The following EMILIN2 variants were observed in gnomAD, a reference collection of about 807,000 sequenced individuals.
The protein encoded by EMILIN2 is elastin microfibril interfacer 2.
EMILIN2 carries 71 observed loss-of-function variants against 87.1 expected under a neutral mutation model. The ratio of observed to expected loss-of-function variants is 0.82; its 90% CI spans 0.67 to 0.99. EMILIN2 has a LOEUF of 0.99. EMILIN2 is among the 50% of genes least tolerant of loss of function. The pLI is 0.00. For synonymous variants in EMILIN2, 581 were observed against 563.4 expected (o/e 1.03, Z -0.44); for missense variants, 1,407 against 1,371.8 (o/e 1.03, Z -0.40).
intron 2 of EMILIN2, among the ~76,000 whole-genome samples, chr18:2,882,179 G>A (rs777082196): frequency 2.1e-4 from 32 of 152,200 alleles, no homozygotes; most frequent in Admixed American, 5.9e-4. Flanking sequence ...GGGCCTTGGT[G>A]GAGGTGGACA....
intron 4 of EMILIN2, among the ~76,000 whole-genome samples, chr18:2,900,162 A>T (rs976684362): frequency 6.6e-6 from 1 of 152,026 alleles, no homozygotes; most frequent in Non-Finnish European, 1.5e-5. Context: ...CAAATTCAAA[A>T]ACAGCATTCA....
chr18:2,849,412 G>C (rs987770645), intron 2 of EMILIN2, among the ~76,000 whole-genome samples: 2 of 152,136 alleles, frequency 1.3e-5, no homozygotes, highest in African/African-American at 4.8e-5. Flanking sequence ...ATTTTGGGAG[G>C]TAATGCATTT....
At chr18:2,893,403 T>A (rs2076849058) in intron 4 of EMILIN2, among the ~76,000 whole-genome samples, 2 of 152,012 alleles carry the variant, frequency 1.3e-5, no homozygotes, top group South Asian at 4.1e-4. Flanking sequence ...ATGAGAGCAG[T>A]TTAGGGACAG....
At position 2,913,781 on chromosome 18, in the gene EMILIN2, G is replaced by T; in HGVS notation, c.*377G>T. The T allele has an allele frequency of 4.5e-6, 1 of 223,940 alleles. No individual in the cohort carries two copies. Among genetic ancestry groups the T allele is most frequent in the Non-Finnish European group, 8.9e-6 (1 of 112,478 alleles). The allele number at this position is 223,940 out of a possible 1,614,324, so 13.9% of individuals were successfully genotyped here. ...CCGGTCACGGTGGCTGGTCTTTACTGCAGGGCAGCACTGTGGCCAGCTGTC... is the reference window on the plus strand; with the variant it reads ...CCGGTCACGGTGGCTGGTCTTTACTTCAGGGCAGCACTGTGGCCAGCTGTC... On this transcript the variant is annotated 3_prime_UTR_variant, in exon 8 of 8. Coordinates refer to ENST00000254528, the MANE Select transcript of EMILIN2 (RefSeq NM_032048.3).
Position 2,847,819 on chromosome 18 carries a change from G to A in EMILIN2, c.145G>A (p.Ala49Thr). The change falls in exon 2 of 8, where the codon GCC (alanine) becomes ACC (threonine). Residue 49 changes from alanine (A) to threonine (T), a missense_variant. Transcript: ENST00000254528. The surrounding 1 kb of genome is among the most constrained non-coding windows in gnomAD (Gnocchi z 4.5). Reference protein sequence around the residue: ...RPSARNKNWCAYIVNKNVSCS... With the variant: ...RPSARNKNWCTYIVNKNVSCS... Reference sequence around the variant, plus strand: ...TCTCCTGCACCCCAGGAACTGGTGCGCCTACATCGTGAACAAGAATGTGAG... The same window carrying A: ...TCTCCTGCACCCCAGGAACTGGTGCACCTACATCGTGAACAAGAATGTGAG... 6.2e-7 allele frequency: 1 copy of A among 1,613,232 alleles called. No homozygotes were observed. Among genetic ancestry groups the A allele is most frequent in the Non-Finnish European group, 8.5e-7 (1 of 1,179,776 alleles).
At position 2,880,451 on chromosome 18, in the gene EMILIN2, G is replaced by A. The variant is rs536676864; in HGVS notation, c.258-4513G>A. On this transcript the variant is annotated intron_variant, in intron 2 of 7. Transcript: ENST00000254528. The surrounding 1 kb of genome is among the most constrained non-coding windows in gnomAD (Gnocchi z 4.1). Reference sequence around the variant, plus strand: ...AATGGGGGAGAGTTCACAGGGGCGAGGCGGCAGGGCGACAGGCCCAGGGTT... The same window carrying A: ...AATGGGGGAGAGTTCACAGGGGCGAAGCGGCAGGGCGACAGGCCCAGGGTT... Among the ~76,000 whole-genome samples the A allele has an allele frequency of 2.2e-4, 34 of 152,318 alleles. No individual in the cohort carries two copies. Among genetic ancestry groups the A allele is most frequent in the African/African-American group, 7.9e-4 (33 of 41,576 alleles).
At chr18:2,905,795 T>A (rs1185949561) in intron 4 of EMILIN2, among the ~76,000 whole-genome samples, 1 of 140,612 alleles carries the variant, frequency 7.1e-6, no homozygotes, top group Non-Finnish European at 1.6e-5. Flanking sequence ...TTTTTTTTTT[T>A]GGATATTTGG....
At chr18:2,881,605 G>T (rs2076777116) in intron 2 of EMILIN2, among the ~76,000 whole-genome samples, 1 of 152,242 alleles carries the variant, frequency 6.6e-6, no homozygotes, top group Non-Finnish European at 1.5e-5. Context: ...TCTTCAATGG[G>T]CACAGGAGTG....
intron 2 of EMILIN2, among the ~76,000 whole-genome samples, chr18:2,871,814 C>T (rs1054962028): frequency 1.3e-5 from 2 of 152,132 alleles, no homozygotes; most frequent in South Asian, 2.1e-4. Flanking sequence ...TCCATTATTA[C>T]GGAGGTAATC....
intron 2 of EMILIN2, among the ~76,000 whole-genome samples, chr18:2,881,424 GGGCTCCA>G (rs143360435): frequency 0.025 from 3,880 of 152,248 alleles, 159 homozygotes; most frequent in African/African-American, 0.089. Flanking sequence ...GGAGGGGTGG[GGGCTCCA>G]GGCTCCAGGG....
At position 2,892,043 on chromosome 18, in the gene EMILIN2, G is replaced by A; in HGVS notation, c.1916G>A (p.Gly639Asp). 6.2e-7 allele frequency: 1 copy of A among 1,614,208 alleles called. No individual in the cohort carries two copies. The highest frequency in any genetic ancestry group is 1.1e-5 in the South Asian group (1 of 91,084). The change falls in exon 4 of 8, where the codon GGC becomes GAC. Residue 639 changes from glycine to aspartate, a missense_variant. Physicochemically the swap from Gly to Asp is moderately conservative, Grantham distance 94 (BLOSUM62 -1). Transcript: ENST00000254528. ...AATTGTAGAGCAGGTGAAAACGCTG[G>A]CATGGGTAGGTTCACTAAGGTGGGT... is the stretch of plus-strand genomic sequence containing the variant. ...MSNCRAGENA[G>D]MGRFTKVGEQ...
intron 2 of EMILIN2, among the ~76,000 whole-genome samples, chr18:2,868,447 C>G (rs936753653): frequency 1.3e-5 from 2 of 152,214 alleles, no homozygotes; most frequent in African/African-American, 2.4e-5. Context: ...CCAAGGCAGG[C>G]GGCTGGGAGG....
At chr18:2,852,023 G>A (rs1282110750) in intron 2 of EMILIN2, among the ~76,000 whole-genome samples, 2 of 152,182 alleles carry the variant, frequency 1.3e-5, no homozygotes, top group African/African-American at 4.8e-5. Context: ...TAGCAATGCA[G>A]AATGTGCCTG....
chr18:2,874,497 C>T (rs574411866), intron 2 of EMILIN2, among the ~76,000 whole-genome samples: 2 of 152,224 alleles, frequency 1.3e-5, no homozygotes, highest in East Asian at 3.9e-4. Context: ...AGCCCCCTCC[C>T]CTCCTTGGTG....
chr18:2,870,924 C>T (rs919442782), intron 2 of EMILIN2, among the ~76,000 whole-genome samples: 1 of 152,204 alleles, frequency 6.6e-6, no homozygotes, highest in Non-Finnish European at 1.5e-5. Context: ...CTGTCTCTGT[C>T]TCCAAATTCC....
At position 2,913,383 on chromosome 18, in the gene EMILIN2, T is replaced by C; in HGVS notation, c.3141T>C (p.Tyr1047=). Residue 1047 remains tyrosine (Y), a synonymous_variant, in exon 8 of 8, where the codon TAT becomes TAC. Transcript: ENST00000254528. ...MYSTFSGVFL[Y]PFLSHL is the part of the protein sequence containing the mutation. ...CCACATTTAGTGGGGTTTTCTTATA[T>C]CCTTTCCTTTCCCACCTCTAAGGTG... The C allele has an allele frequency of 6.2e-7, 1 of 1,602,800 alleles. No homozygotes were observed. The highest frequency in any genetic ancestry group is 8.5e-7 in the Non-Finnish European group (1 of 1,174,788).
intron 3 of EMILIN2, among the ~76,000 whole-genome samples, chr18:2,886,869 C>T (rs887734419): frequency 2.0e-5 from 3 of 152,158 alleles, no homozygotes; most frequent in Non-Finnish European, 1.5e-5. Context: ...TTTTCATCTT[C>T]TTGAAGAAGT....
chr18:2,892,436 T>G lies in EMILIN2; in HGVS notation c.2309T>G (p.Phe770Cys). ...GTCCAGCAGTTCTACAGCCACGTCTTCCAGATTTCTACTGATTTGCAAGAT... is the reference window on the plus strand; with the variant it reads ...GTCCAGCAGTTCTACAGCCACGTCTGCCAGATTTCTACTGATTTGCAAGAT... ...NSVQQFYSHV[F>C]QISTDLQDLV... Residue 770 changes from phenylalanine to cysteine, a missense_variant, in exon 4 of 8, where the codon TTC becomes TGC. Physicochemically the swap from Phe to Cys is radical, Grantham distance 205. Coordinates refer to ENST00000254528, the MANE Select transcript of EMILIN2 (RefSeq NM_032048.3). The G allele has an allele frequency of 6.2e-7, 1 of 1,610,896 alleles. No homozygotes were observed. The highest frequency in any genetic ancestry group is 8.5e-7 in the Non-Finnish European group (1 of 1,178,068).
At chr18:2,912,691 G>A (rs933442914) in intron 7 of EMILIN2, among the ~76,000 whole-genome samples, 5 of 152,188 alleles carry the variant, frequency 3.3e-5, no homozygotes, top group African/African-American at 1.2e-4. Flanking sequence ...GGCCCCTGGG[G>A]TTACAAGGTG....
Sources: allele counts gnomAD v4.1 joint callset (sites outside exome capture counted in the v4.1 genomes callset), GRCh38; gene constraint gnomAD v4.1.1; non-coding constraint Gnocchi (gnomAD v3.1); transcripts MANE v1.5; gene names NCBI Gene and HGNC (gene_info 2026-07-23, HGNC 2026-07-21).